RASA3: variants seen among roughly 807,000 people sequenced by gnomAD.
RASA3 encodes ras GTPase-activating protein 3.
RASA3 carries 73 observed loss-of-function variants against 110.0 expected under a neutral mutation model. The ratio of observed to expected loss-of-function variants is 0.66; its 90% CI spans 0.55 to 0.81. The LOEUF is 0.81. RASA3 is among the 30% of genes least tolerant of loss of function. The probability of loss-of-function intolerance (pLI) is 0.00; values close to 1 mark genes in which losing one functional copy is unlikely to be tolerated. For missense variants in RASA3, 976 were observed against 1,113.2 expected (o/e 0.88, Z 1.75); for synonymous variants, 500 against 451.4 (o/e 1.11, Z -1.37).
intron 15 of RASA3, among the ~76,000 whole-genome samples, chr13:114,012,152 C>T (rs1421689520): frequency 6.6e-6 from 1 of 152,030 alleles, no homozygotes; most frequent in Non-Finnish European, 1.5e-5. Context: ...ATGTGATGGG[C>T]AGGGGAGGAG....
At chr13:114,126,197 C>T (rs867116450) in intron 1 of RASA3, among the ~76,000 whole-genome samples, 31 of 149,802 alleles carry the variant, frequency 2.1e-4, no homozygotes, top group Middle Eastern at 6.8e-3. Context: ...CCAGAGGTAC[C>T]GGCACCTGCT....
intron 1 of RASA3, among the ~76,000 whole-genome samples, chr13:114,109,516 C>G (rs529390738): frequency 6.6e-6 from 1 of 152,202 alleles, no homozygotes; most frequent in Non-Finnish European, 1.5e-5. Context: ...TCAGCACCTA[C>G]GGTGGGCTGC....
chr13:114,131,538 C>G (rs1369738967), intron 1 of RASA3, among the ~76,000 whole-genome samples: 1 of 152,218 alleles, frequency 6.6e-6, no homozygotes, highest in African/African-American at 2.4e-5. Flanking sequence ...TCCGGAAACG[C>G]CTCCGGGAGC....
chr13:113,997,508 G>C (rs982676068), intron 20 of RASA3, among the ~76,000 whole-genome samples: 12 of 152,004 alleles, frequency 7.9e-5, no homozygotes, highest in African/African-American at 2.9e-4. Context: ...AGAAATGGGA[G>C]GCACAAAGGT....
At chr13:114,122,592 C>T (rs2139792825) in intron 1 of RASA3, among the ~76,000 whole-genome samples, 1 of 152,350 alleles carries the variant, frequency 6.6e-6, no homozygotes, top group Middle Eastern at 3.4e-3. Flanking sequence ...GCTTGCTCTG[C>T]ATCTGGGAGC....
In RASA3 at chr13:113,981,660, G is replaced by A. The variant is rs759191415; in HGVS notation, c.2429+15C>T. ...TACACTGGCCGTCCAGGGCAGGCAC[G>A]GGAGTGGCACTCACTGGCTTCCATA... On this transcript the variant is annotated intron_variant, in intron 23 of 23. Transcript: ENST00000334062. The A allele has an allele frequency of 1.4e-5, 23 of 1,604,474 alleles. No individual in the cohort carries two copies. The highest frequency in any genetic ancestry group is 1.7e-4 in the Middle Eastern group (1 of 5,918).
At chr13:114,007,452 C>T in intron 18 of RASA3, 81 bp downstream of exon 18, 1 of 517,864 alleles carries the variant, frequency 1.9e-6, no homozygotes, top group Non-Finnish European at 3.0e-6. Context: ...ACCACCTTAC[C>T]CTTCTCCCCT....
At chr13:114,030,232 C>T (rs1032818959) in intron 4 of RASA3, among the ~76,000 whole-genome samples, 7 of 152,244 alleles carry the variant, frequency 4.6e-5, no homozygotes, top group African/African-American at 9.6e-5. Context: ...GCAGGCTGCT[C>T]GTGTGTCCGT....
Position 114,029,830 on chromosome 13 carries a change from AGAC to A in RASA3, c.427_429del (p.Val143del). The A allele has an allele frequency of 6.3e-7, 1 of 1,590,094 alleles. No homozygotes were observed. The highest frequency in any genetic ancestry group is 1.1e-5 in the South Asian group (1 of 87,274). On this transcript the variant is annotated inframe_deletion, in exon 5 of 24. Coordinates refer to ENST00000334062, the MANE Select transcript of RASA3 (RefSeq NM_007368.4). The stretch of plus-strand genomic sequence containing the variant: ...TCTTACCGTGTGGCGAGCTTGTGGC[AGAC>A]GACCCCAGTGTCTGTGATGACCTCG...
At chr13:114,041,253 G>A (rs563091277) in intron 3 of RASA3, among the ~76,000 whole-genome samples, 159 bp from the exon 4 acceptor site, 1 of 152,382 alleles carries the variant, frequency 6.6e-6, no homozygotes, top group East Asian at 1.9e-4. Context: ...GAACCCCCAC[G>A]CTTGGGAGGC....
At chr13:114,055,010 G>A (rs1046840595) in intron 2 of RASA3, among the ~76,000 whole-genome samples, 2 of 152,066 alleles carry the variant, frequency 1.3e-5, no homozygotes, top group African/African-American at 2.4e-5. Context: ...CCATGGGTGC[G>A]TGTGCCCACA....
At chr13:114,125,910 C>T (rs1829699035) in intron 1 of RASA3, among the ~76,000 whole-genome samples, 1 of 143,550 alleles carries the variant, frequency 7.0e-6, no homozygotes, top group Non-Finnish European at 1.5e-5. Flanking sequence ...TGCTGCCCAA[C>T]CTCGCACCCT....
intron 7 of RASA3, among the ~76,000 whole-genome samples, chr13:114,025,496 C>T (rs932499167): frequency 6.7e-6 from 1 of 150,110 alleles, no homozygotes; most frequent in Non-Finnish European, 1.5e-5. Flanking sequence ...AGTGCCCCTG[C>T]CTCACGCCCT....
rs773758707 is a variant in RASA3, at chr13:114,132,498, T to C, written c.-9A>G. The stretch of plus-strand genomic sequence containing the variant: ...TCGTCCTCCACCGCCATGCTGCGCG[T>C]CCGCGCCCGCCGAGCCTCGCCCCAA... On this transcript the variant is annotated 5_prime_UTR_variant, in exon 1 of 24. Coordinates refer to ENST00000334062, the MANE Select transcript of RASA3 (RefSeq NM_007368.4). The C allele has an allele frequency of 6.2e-5, 91 of 1,464,116 alleles. No individual in the cohort carries two copies. Among genetic ancestry groups the C allele is most frequent in the Non-Finnish European group, 7.8e-5 (87 of 1,110,278 alleles). The allele number at this position is 1,464,116 out of a possible 1,614,324, so 90.7% of individuals were successfully genotyped here. A position where few individuals can be genotyped will look rare whatever the true frequency, so the allele number is the denominator to read the frequency against.
At position 114,046,641 on chromosome 13, in the gene RASA3, G is replaced by C. The variant is rs115982024; in HGVS notation, c.277+5411C>G. ...GTAAGGTGACATGGTACACTGGCAGGCGTGTCCGATGGAAAGCTGCTTCCA... is the reference window on the plus strand; with the variant it reads ...GTAAGGTGACATGGTACACTGGCAGCCGTGTCCGATGGAAAGCTGCTTCCA... On this transcript the variant is annotated intron_variant, in intron 3 of 23. Transcript: ENST00000334062. Among the ~76,000 whole-genome samples, 1,201 of 152,332 alleles carry C rather than the reference G, an allele frequency of 7.9e-3. 8 individuals are homozygous for C. The highest frequency in any genetic ancestry group is 0.028 in the African/African-American group (1,153 of 41,558).
chr13:114,106,804 G>A (rs746924979), intron 1 of RASA3, among the ~76,000 whole-genome samples: 8 of 152,134 alleles, frequency 5.3e-5, no homozygotes, highest in African/African-American at 1.2e-4. Flanking sequence ...GAAGGCACAC[G>A]GCCCACAGAA....
chr13:114,034,068 G>A (rs1488925582), intron 4 of RASA3, among the ~76,000 whole-genome samples: 2 of 152,124 alleles, frequency 1.3e-5, no homozygotes, highest in Non-Finnish European at 2.9e-5. Context: ...CTAAAGGAGT[G>A]CCCTGAACAC....
At chr13:114,025,376 A>G (rs2054008227) in intron 7 of RASA3, among the ~76,000 whole-genome samples, 1 of 151,788 alleles carries the variant, frequency 6.6e-6, no homozygotes, top group African/African-American at 2.4e-5. Flanking sequence ...CAACTTCCCC[A>G]TCTCACAAAA....
rs1263009841 is a variant in RASA3 at position 113,996,581 on chromosome 13, C to T, written c.2091G>A (p.Leu697=). The change falls in exon 21 of 24, where the codon CTG becomes CTA. Residue 697 remains leucine (L), a synonymous_variant. Transcript: ENST00000334062. Reference sequence around the variant, plus strand: ...CCGAGTCGGATGGCGCCCTACAGCACAGCCAGTGGCCGCTCAGGTAGGCGG... The same window carrying T: ...CCGAGTCGGATGGCGCCCTACAGCATAGCCAGTGGCCGCTCAGGTAGGCGG... ...HPSAYLSGHW[L]CCRAPSDSAP... is the part of the protein sequence containing the mutation. 1.9e-6 allele frequency: 3 copies of T among 1,613,500 alleles called. No homozygotes were observed. Among genetic ancestry groups the T allele is most frequent in the Non-Finnish European group, 2.5e-6 (3 of 1,180,024 alleles).
Sources: allele counts gnomAD v4.1 joint callset (sites outside exome capture counted in the v4.1 genomes callset), GRCh38; gene constraint gnomAD v4.1.1; transcripts MANE v1.5; gene names NCBI Gene and HGNC (gene_info 2026-07-23, HGNC 2026-07-21).